CCDC7: variants seen among roughly 807,000 people sequenced by gnomAD.
The protein encoded by CCDC7 is coiled-coil domain containing 7, also known as coiled-coil domain-containing protein 7.
A neutral mutation model predicts 196.9 loss-of-function variants in CCDC7; 183 were observed. The observed-to-expected ratio is 0.93, with a 90% CI of 0.82 to 1.05. The LOEUF (loss-of-function observed/expected upper bound fraction) is 1.05. CCDC7 is among the 50% of genes least tolerant of loss of function. The probability of loss-of-function intolerance (pLI) is 0.00; values close to 1 mark genes in which losing one functional copy is unlikely to be tolerated. For missense variants in CCDC7, 1,540 were observed against 1,482.2 expected (o/e 1.04, Z -0.64); for synonymous variants, 525 against 484.6 (o/e 1.08, Z -1.10).
chr10:32,789,574 C>T (rs967057760), intron 29 of CCDC7, among the ~76,000 whole-genome samples: 2 of 148,782 alleles, frequency 1.3e-5, no homozygotes. Flanking sequence ...AAAAAAAAAA[C>T]CCTACAAGAA....
chr10:32,711,178 A>ATG (rs1233757774), intron 24 of CCDC7, among the ~76,000 whole-genome samples: 21 of 151,546 alleles, frequency 1.4e-4, no homozygotes, highest in African/African-American at 4.9e-4. Flanking sequence ...GTATATATGC[A>ATG]TGTGTGTATA....
intron 25 of CCDC7, 72 bp from the exon 27 acceptor site, chr10:32,726,662 A>G (rs1053419458): frequency 1.1e-4 from 94 of 818,512 alleles, no homozygotes; most frequent in Middle Eastern, 5.7e-4. Context: ...CTTCAAATAT[A>G]GAGATTTCAC....
chr10:32,708,185 G>C (rs1369669857), intron 24 of CCDC7, among the ~76,000 whole-genome samples: 1 of 152,096 alleles, frequency 6.6e-6, no homozygotes, highest in Non-Finnish European at 1.5e-5. Flanking sequence ...ACACCCATCT[G>C]ATCTTTGACA....
exon 36 of CCDC7, chr10:32,845,906 T>C (rs200746643): frequency 9.3e-6 from 15 of 1,612,070 alleles, no homozygotes; most frequent in South Asian, 2.2e-5. Context: ...GCAGATGCTA[T>C]TGGAAGAGGT....
chr10:32,844,427 T>A (rs1181799790), intron 33 of CCDC7, among the ~76,000 whole-genome samples: 1 of 151,926 alleles, frequency 6.6e-6, no homozygotes, highest in African/African-American at 2.4e-5. Flanking sequence ...TAGTTACAAA[T>A]CTTAGAAATG....
chr10:32,738,725 T>C (rs528772555), intron 28 of CCDC7, among the ~76,000 whole-genome samples: 55 of 152,140 alleles, frequency 3.6e-4, no homozygotes, highest in Non-Finnish European at 7.4e-4. Context: ...CCATCTGCTT[T>C]AGCCTCCCAA....
intron 18 of CCDC7, among the ~76,000 whole-genome samples, chr10:32,596,431 T>G (rs959720548): frequency 6.6e-6 from 1 of 152,208 alleles, no homozygotes; most frequent in East Asian, 1.9e-4. Context: ...TGTGTGTCTC[T>G]GCACATGAGA....
chr10:32,752,751 C>A (rs910994667), intron 28 of CCDC7, among the ~76,000 whole-genome samples: 1 of 152,118 alleles, frequency 6.6e-6, no homozygotes, highest in Non-Finnish European at 1.5e-5. Flanking sequence ...TATTACATAT[C>A]TGTACCCATA....
intron 20 of CCDC7, among the ~76,000 whole-genome samples, chr10:32,652,754 C>T (rs2069007425): frequency 6.6e-6 from 1 of 151,938 alleles, no homozygotes; most frequent in Non-Finnish European, 1.5e-5. Flanking sequence ...TTTTGTACTG[C>T]CTAATGCATA....
chr10:32,498,090 A>T (rs2043196346), intron 9 of CCDC7, among the ~76,000 whole-genome samples: 3 of 152,096 alleles, frequency 2.0e-5, no homozygotes. Context: ...TATTGGGTGC[A>T]TATATATTTA....
At chr10:32,446,760 T>C (rs2133217465), upstream of CCDC7, 1 of 152,322 alleles carries the variant, frequency 6.6e-6, no homozygotes, top group East Asian at 1.9e-4. Context: ...ATGAATTAAA[T>C]ATGTAAAGTC....
rs578106510 is a variant in CCDC7, at chr10:32,699,832, G to T, written c.2458+4840G>T. Among the ~76,000 whole-genome samples the T allele has an allele frequency of 2.0e-3, 304 of 149,614 alleles. 2 individuals carry two copies. Among genetic ancestry groups the T allele is most frequent in the Middle Eastern group, 0.01 (3 of 294 alleles). ...ATGATGAGCATTTTTTCATCTGTCT[G>T]TTGACTGCATAAATGTCTTCTTTTG... is the stretch of plus-strand genomic sequence containing the variant. On this transcript the variant is annotated intron_variant, in intron 24 of 41. Coordinates refer to ENST00000639629, the Ensembl canonical transcript of CCDC7.
chr10:32,787,451 T>G (rs1289250540), intron 29 of CCDC7, among the ~76,000 whole-genome samples: 1 of 152,156 alleles, frequency 6.6e-6, no homozygotes, highest in Non-Finnish European at 1.5e-5. Context: ...GTAACGCAGA[T>G]GTAAGAAAGA....
downstream of CCDC7, chr10:32,877,015 C>T (rs2094614375): frequency 6.6e-6 from 1 of 151,910 alleles, no homozygotes; most frequent in Non-Finnish European, 1.5e-5. Flanking sequence ...TCCTATTTTT[C>T]CCCAGCAAGA....
intron 20 of CCDC7, among the ~76,000 whole-genome samples, chr10:32,638,798 A>G (rs1473631551): frequency 1.3e-5 from 2 of 152,210 alleles, no homozygotes; most frequent in African/African-American, 4.8e-5. Flanking sequence ...TAGTTTCAGA[A>G]GGAATGGTAC....
intron 29 of CCDC7, among the ~76,000 whole-genome samples, chr10:32,790,766 GTGC>G (rs1446691601): frequency 6.6e-6 from 1 of 152,172 alleles, no homozygotes; most frequent in African/African-American, 2.4e-5. Context: ...CTACTGAAGA[GTGC>G]CTCAGAGTCA....
At chr10:32,652,984 G>T (rs375324071) in intron 20 of CCDC7, among the ~76,000 whole-genome samples, 60 of 152,110 alleles carry the variant, frequency 3.9e-4, no homozygotes, top group African/African-American at 1.4e-3. Context: ...TATAAAACAG[G>T]TTTGGATGTG....
chr10:32,629,552 AG>A (rs1590815042), intron 18 of CCDC7, among the ~76,000 whole-genome samples: 1 of 152,246 alleles, frequency 6.6e-6, no homozygotes, highest in East Asian at 1.9e-4. Context: ...AGAGGAACCC[AG>A]GGAAGAATGT....
chr10:32,690,357 G>T (rs1454671520), intron 23 of CCDC7, among the ~76,000 whole-genome samples: 1 of 152,178 alleles, frequency 6.6e-6, no homozygotes, highest in African/African-American at 2.4e-5. Flanking sequence ...CTTGTGGAAG[G>T]ATATTAGTTA....
Sources: allele counts gnomAD v4.1 joint callset (sites outside exome capture counted in the v4.1 genomes callset), GRCh38; gene constraint gnomAD v4.1.1; transcripts MANE v1.5; gene names NCBI Gene and HGNC (gene_info 2026-07-23, HGNC 2026-07-21).